LRRC4C: variants seen among roughly 807,000 people sequenced by gnomAD.
The protein encoded by LRRC4C is leucine-rich repeat-containing protein 4C.
In LRRC4C, 5 loss-of-function variants were observed where a neutral mutation model predicts 33.6. That is an observed-to-expected ratio of 0.15 (90% confidence interval 0.08 to 0.31). The LOEUF (loss-of-function observed/expected upper bound fraction) is 0.31, where lower values mean the gene tolerates loss of function less well. LRRC4C is among the 10% of genes least tolerant of loss of function. The probability of loss-of-function intolerance (pLI) is 1.00; values close to 1 mark genes in which losing one functional copy is unlikely to be tolerated. For missense variants in LRRC4C, 560 were observed against 796.7 expected (o/e 0.70, Z 3.58); for synonymous variants, 329 against 302.0 (o/e 1.09, Z -0.93).
rs199766458 is a variant in LRRC4C at position 40,283,424 on chromosome 11, T to TA, written c.-176+36203dup. On this transcript the variant is annotated intron_variant, in intron 4 of 6. Coordinates refer to ENST00000528697, the MANE Select transcript of LRRC4C (RefSeq NM_001258419.2). ...GGTACATGTTGTCTATTAGTAAAAG[T>TA]AAAAAAAAAATTGCAATGTTTTATT... Among the ~76,000 whole-genome samples the TA allele has an allele frequency of 2.9e-3, 429 of 149,138 alleles. 4 individuals are homozygous for TA. Among genetic ancestry groups the TA allele is most frequent in the East Asian group, 0.026 (135 of 5,122 alleles).
intron 3 of LRRC4C, among the ~76,000 whole-genome samples, chr11:40,584,959 A>G (rs1360122810): frequency 2.0e-5 from 3 of 148,574 alleles, no homozygotes; most frequent in South Asian, 2.1e-4. Flanking sequence ...AAGAAAAAAA[A>G]AAAAAAAGAA....
chr11:41,364,171 C>T (rs979053319), intron 1 of LRRC4C, among the ~76,000 whole-genome samples: 1 of 152,198 alleles, frequency 6.6e-6, no homozygotes, highest in Non-Finnish European at 1.5e-5. Flanking sequence ...GGGCTACCCC[C>T]TGCTCATTAT....
intron 6 of LRRC4C, among the ~76,000 whole-genome samples, chr11:40,140,293 C>G (rs1370201542): frequency 6.6e-6 from 1 of 152,120 alleles, no homozygotes; most frequent in Admixed American, 6.5e-5. Context: ...AGAACTACCA[C>G]TCATGGAAAC....
At chr11:40,926,375 T>A (rs1414630195) in intron 2 of LRRC4C, among the ~76,000 whole-genome samples, 1 of 151,968 alleles carries the variant, frequency 6.6e-6, no homozygotes, top group East Asian at 1.9e-4. Flanking sequence ...CGACAATAAA[T>A]GTTTGAAAAT....
intron 1 of LRRC4C, among the ~76,000 whole-genome samples, chr11:40,987,683 T>C (rs1395506292): frequency 2.9e-5 from 4 of 137,320 alleles, no homozygotes; most frequent in African/African-American, 1.1e-4. Flanking sequence ...ATGATATATA[T>C]ATATATATCT....
In LRRC4C at chr11:40,499,185, C is replaced by T. The variant is rs867465967; in HGVS notation, c.-270+148957G>A. ...TGTCAGCCTTGGCAGAAACTATCCACATTTGAAGCTGAAACTGACAGCTCT... is the reference window on the plus strand; with the variant it reads ...TGTCAGCCTTGGCAGAAACTATCCATATTTGAAGCTGAAACTGACAGCTCT... On this transcript the variant is annotated intron_variant, in intron 3 of 6. Transcript: ENST00000528697. Among the ~76,000 whole-genome samples, 5 of 152,258 alleles carry T rather than the reference C, an allele frequency of 3.3e-5. No homozygotes were observed. In the South Asian group the frequency reaches 6.2e-4, roughly 19 times the overall value.
intron 2 of LRRC4C, among the ~76,000 whole-genome samples, chr11:40,783,420 C>T (rs1950297033): frequency 6.6e-6 from 1 of 151,980 alleles, no homozygotes; most frequent in South Asian, 2.1e-4. Flanking sequence ...CTCAGCATCC[C>T]GAGTAGCTGG....
chr11:40,725,213 A>G (rs899330572), intron 2 of LRRC4C, among the ~76,000 whole-genome samples: 1 of 152,214 alleles, frequency 6.6e-6, no homozygotes, highest in African/African-American at 2.4e-5. Context: ...GGCATTCTCC[A>G]TAAGAACTGG....
chr11:40,344,801 C>G (rs1306525342), intron 3 of LRRC4C, among the ~76,000 whole-genome samples: 2 of 152,084 alleles, frequency 1.3e-5, no homozygotes, highest in Non-Finnish European at 2.9e-5. Flanking sequence ...ACAACTTCAA[C>G]AAAATTTCAG....
At chr11:40,438,139 C>A (rs1951223697) in intron 3 of LRRC4C, among the ~76,000 whole-genome samples, 1 of 152,208 alleles carries the variant, frequency 6.6e-6, no homozygotes, top group South Asian at 2.1e-4. Flanking sequence ...AATGCAGCGA[C>A]CTACTGTTTT....
At position 40,886,433 on chromosome 11, in the gene LRRC4C, A is replaced by ACACACACACG. The variant is rs1379510433; in HGVS notation, c.-407+47201_-407+47202insCGTGTGTGTG. ...CACACACACACACACACACACACAC[A>ACACACACACG]CACGCACACACTCTCACAAACCTCA... is the stretch of plus-strand genomic sequence containing the variant. On this transcript the variant is annotated intron_variant, in intron 2 of 6. Coordinates refer to ENST00000528697, the MANE Select transcript of LRRC4C (RefSeq NM_001258419.2). Among the ~76,000 whole-genome samples the ACACACACACG allele has an allele frequency of 7.3e-5, 11 of 151,602 alleles. No individual in the cohort carries two copies. The South Asian group carries it at 1.7e-3, about 23-fold the overall frequency.
intron 2 of LRRC4C, among the ~76,000 whole-genome samples, chr11:40,920,837 A>G (rs955923086): frequency 6.6e-6 from 1 of 152,100 alleles, no homozygotes. Flanking sequence ...ATTACCTCAC[A>G]TGGCATTTTG....
intron 4 of LRRC4C, among the ~76,000 whole-genome samples, chr11:40,290,490 A>C (rs2136557715): frequency 6.6e-6 from 1 of 152,336 alleles, no homozygotes; most frequent in Admixed American, 6.5e-5. Flanking sequence ...GTTAAGGAGT[A>C]ATGAAAAGGA....
At position 40,142,693 on chromosome 11, in the gene LRRC4C, C is replaced by T. The variant is rs770132082; in HGVS notation, c.-95-1840G>A. ...GTGTCTTGTCTCACAGGCCAATGAA[C>T]CTTGGAGTGCCCCAGGTCTCAAATC... On this transcript the variant is annotated intron_variant, in intron 5 of 6. Transcript: ENST00000528697. Among the ~76,000 whole-genome samples, 4 of 151,938 alleles carry T rather than the reference C, an allele frequency of 2.6e-5. No individual in the cohort carries two copies. In the East Asian group the frequency reaches 5.8e-4, roughly 22 times the overall value.
chr11:40,163,042 A>G (rs1590580762), intron 5 of LRRC4C, among the ~76,000 whole-genome samples: 1 of 152,302 alleles, frequency 6.6e-6, no homozygotes, highest in East Asian at 1.9e-4. Flanking sequence ...AAGGGCAGCA[A>G]CCATATTGCA....
rs529376797 is a variant in LRRC4C, at chr11:40,845,155, A to AT, written c.-407+88479dup. Among the ~76,000 whole-genome samples, 7 of 150,958 alleles carry AT rather than the reference A, an allele frequency of 4.6e-5. No individual in the cohort carries two copies. The South Asian group carries it at 1.0e-3, about 23-fold the overall frequency. On this transcript the variant is annotated intron_variant, in intron 2 of 6. Transcript: ENST00000528697. ...TTTTCTTTTATTTTTGTTGTTTCTT[A>AT]TTTTTTTCTTTTTATTATACCTTAA...
intron 1 of LRRC4C, among the ~76,000 whole-genome samples, chr11:40,947,111 G>A (rs963072926): frequency 6.6e-6 from 1 of 151,948 alleles, no homozygotes; most frequent in South Asian, 2.1e-4. Flanking sequence ...ATAACCTTTG[G>A]AAATACAGGC....
intron 1 of LRRC4C, among the ~76,000 whole-genome samples, chr11:41,315,854 A>G (rs1591246260): frequency 6.6e-6 from 1 of 152,236 alleles, no homozygotes; most frequent in East Asian, 1.9e-4. Context: ...GTCTCCACAC[A>G]GTGAGAGCTC....
intron 4 of LRRC4C, among the ~76,000 whole-genome samples, chr11:40,290,395 A>T (rs189726421): frequency 7.7e-4 from 118 of 152,352 alleles, no homozygotes; most frequent in African/African-American, 2.6e-3. Context: ...ATAGGTTGGT[A>T]AATTTATTGC....
Sources: gnomAD v4.1 joint callset for allele counts (sites outside exome capture counted in the v4.1 genomes callset) on GRCh38, gnomAD v4.1.1 for gene constraint, MANE v1.5 for transcripts, NCBI Gene and HGNC (gene_info 2026-07-23, HGNC 2026-07-21) for gene names.